LIN37: variants seen among roughly 807,000 people sequenced by gnomAD.
LIN37 encodes the protein lin-37 DREAM MuvB core complex component.
Under a neutral mutation model 38.0 loss-of-function variants are expected in LIN37, and 21 were observed. The ratio of observed to expected loss-of-function variants is 0.55; its 90% CI spans 0.39 to 0.80. The LOEUF is 0.80. LIN37 is among the 30% of genes least tolerant of loss of function. LIN37 has a pLI of 0.00. For missense variants in LIN37, 273 were observed against 338.5 expected, an observed-to-expected ratio of 0.81 and a Z score of 1.52; for synonymous variants, 126 against 122.9, an observed-to-expected ratio of 1.03 and a Z score of -0.17.
chr19:35,753,873 C>T (rs894238731), intron 6 of LIN37, 144 bp from the exon 7 acceptor site: 9 of 895,016 alleles, frequency 1.0e-5, no homozygotes, highest in Non-Finnish European at 1.5e-5. Flanking sequence ...GAGGTGTCTG[C>T]CCTTCATACA....
rs775087716 is a variant in LIN37 at position 35,752,251 on chromosome 19, G to C, written c.110G>C (p.Arg37Thr). The change falls in exon 2 of 9, where the codon AGG becomes ACG. Residue 37 changes from arginine (R) to threonine (T), a missense_variant and splice_region_variant. Coordinates refer to ENST00000301159, the MANE Select transcript of LIN37 (RefSeq NM_019104.3). The stretch of plus-strand genomic sequence containing the variant: ...CTGCTGGAGAAGAGTCACATGGACA[G>C]GTAGGCCAGCGTGGGGTCACAGGGC... ...QCLLEKSHMDRERLDEEAGKT... is the reference protein window; with the variant it reads ...QCLLEKSHMDTERLDEEAGKT... The C allele has an allele frequency of 1.2e-6, 2 of 1,605,084 alleles. No homozygotes were observed. The highest frequency in any genetic ancestry group is 4.5e-5 in the East Asian group (2 of 44,494).
In LIN37 at chr19:35,748,775, CGGG is replaced by C; in HGVS notation, c.34+20_34+22del. 2 of 1,613,712 alleles carry C rather than the reference CGGG, an allele frequency of 1.2e-6. No individual in the cohort carries two copies. The highest frequency in any genetic ancestry group is 1.7e-6 in the Non-Finnish European group (2 of 1,179,762). On this transcript the variant is annotated intron_variant, in intron 1 of 8. Coordinates refer to ENST00000301159, the MANE Select transcript of LIN37 (RefSeq NM_019104.3). ...AGAAATCAGGTGAGGACCCTGACGT[CGGG>C]GGCCTGTCGGGACCATCGGGTTGAC...
In LIN37 at chr19:35,752,825, T is replaced by C; in HGVS notation, c.183T>C (p.Thr61=). ...ACAGGGACTGCTCCATCGCAGCCAC[T>C]GGCAAAAGGTAAGGTGGCAGGGTCC... ...THNKDCSIAA[T]GKRPSARFPH... The change falls in exon 4 of 9, where the codon ACT becomes ACC. Residue 61 remains threonine, a synonymous_variant. Coordinates refer to ENST00000301159, the MANE Select transcript of LIN37 (RefSeq NM_019104.3). 6.2e-7 allele frequency: 1 copy of C among 1,608,654 alleles called. No individual in the cohort carries two copies.
At chr19:35,749,105 C>T (rs1970645090) in intron 1 of LIN37, 2 of 629,430 alleles carry the variant, frequency 3.2e-6, no homozygotes, top group African/African-American at 2.0e-5. Flanking sequence ...ATTGCCCAGG[C>T]TGGTCTCGAA....
intron 1 of LIN37, 126 bp from the exon 2 acceptor site, chr19:35,752,049 AG>A: frequency 1.5e-6 from 1 of 682,554 alleles, no homozygotes; most frequent in Non-Finnish European, 2.6e-6. Flanking sequence ...GCACCCTTTC[AG>A]GCTGCCTGGG....
intron 7 of LIN37, 42 bp from the exon 8 acceptor site, chr19:35,754,204 G>T: frequency 1.9e-6 from 3 of 1,613,980 alleles, no homozygotes; most frequent in Admixed American, 3.3e-5. Context: ...ATGCGGTAGG[G>T]CTCAGGAATG....
At position 35,752,035 on chromosome 19, in the gene LIN37, T is replaced by C; in HGVS notation, c.35-141T>C. The C allele has an allele frequency of 6.3e-6, 4 of 633,930 alleles. No homozygotes were observed. In the South Asian group the frequency reaches 7.2e-5, roughly 11 times the overall value. The allele number at this position is 633,930 out of a possible 1,614,324, so 39.3% of individuals were successfully genotyped here. On this transcript the variant is annotated intron_variant, in intron 1 of 8. Transcript: ENST00000301159. ...GGGCATCACTCCAGCCATCTCTGCC[T>C]GTTGCACCCTTTCAGGCTGCCTGGG...
At chr19:35,750,889 AG>A (rs1970673485) in intron 1 of LIN37, among the ~76,000 whole-genome samples, 1 of 151,900 alleles carries the variant, frequency 6.6e-6, no homozygotes, top group African/African-American at 2.4e-5. Context: ...TGTACTCAGG[AG>A]GCAGAGGTTG....
chr19:35,748,852 C>A, intron 1 of LIN37, 94 bp downstream of exon 1: 1 of 1,604,214 alleles, frequency 6.2e-7, no homozygotes, highest in South Asian at 1.1e-5. Flanking sequence ...GGGGACTGCA[C>A]GACTTTTCCC....
At chr19:35,752,636 C>A in intron 3 of LIN37, 152 bp downstream of exon 3, 2 of 1,236,992 alleles carry the variant, frequency 1.6e-6, no homozygotes, top group South Asian at 1.3e-5. Context: ...AAGCTTAGGT[C>A]CCCCCGTGGT....
At chr19:35,748,916 C>T in intron 1 of LIN37, 158 bp downstream of exon 1, 2 of 1,546,846 alleles carry the variant, frequency 1.3e-6, no homozygotes, top group Non-Finnish European at 1.7e-6. Flanking sequence ...CTGCCACCTT[C>T]ACACCCTCCC....
In LIN37 at chr19:35,754,486, C is replaced by A; in HGVS notation, c.*12C>A. The A allele has an allele frequency of 1.2e-6, 2 of 1,611,390 alleles. No homozygotes were observed. The highest frequency in any genetic ancestry group is 2.2e-5 in the South Asian group (2 of 91,014). On this transcript the variant is annotated 3_prime_UTR_variant, in exon 9 of 9. Coordinates refer to ENST00000301159, the MANE Select transcript of LIN37 (RefSeq NM_019104.3). ...ACGAACGACAGTGATGTTCCCAGGT[C>A]CCCCCACACCAGTAAACATCCCCCA... is the stretch of plus-strand genomic sequence containing the variant.
chr19:35,753,020 G>C, intron 5 of LIN37, 21 bp downstream of exon 5: 1 of 1,570,808 alleles, frequency 6.4e-7, no homozygotes, highest in Non-Finnish European at 8.6e-7. Context: ...AGTGGCCCTA[G>C]AGGGTCGGTA....
chr19:35,752,513 G>C (rs760118593), intron 3 of LIN37, 29 bp downstream of exon 3: 4 of 1,612,090 alleles, frequency 2.5e-6, no homozygotes, highest in Admixed American at 1.7e-5. Flanking sequence ...ATTTGGAGTT[G>C]AGAGTTCGTG....
intron 6 of LIN37, 51 bp from the exon 7 acceptor site, chr19:35,753,966 C>A: frequency 1.3e-6 from 2 of 1,585,266 alleles, no homozygotes; most frequent in South Asian, 1.1e-5. Flanking sequence ...GGATTCCCAG[C>A]CCCTCTGCTT....
intron 6 of LIN37, 141 bp downstream of exon 6, chr19:35,753,394 G>T: frequency 1.0e-6 from 1 of 1,000,290 alleles, no homozygotes; most frequent in African/African-American, 1.6e-5. Context: ...TAGGCACACA[G>T]ATGTGCACTC....
chr19:35,750,996 A>C (rs750882124), intron 1 of LIN37, among the ~76,000 whole-genome samples: 28 of 150,268 alleles, frequency 1.9e-4, no homozygotes, highest in Non-Finnish European at 3.5e-4. Context: ...CCAATTTTTA[A>C]ATGTCAGCTC....
At chr19:35,748,914 T>G in intron 1 of LIN37, 156 bp downstream of exon 1, 1 of 1,550,704 alleles carries the variant, frequency 6.4e-7, no homozygotes, top group Non-Finnish European at 8.7e-7. Context: ...GCCTGCCACC[T>G]TCACACCCTC....
chr19:35,753,420 G>T (rs1344832745), intron 6 of LIN37, 167 bp downstream of exon 6: 2 of 833,372 alleles, frequency 2.4e-6, no homozygotes, highest in Non-Finnish European at 3.9e-6. Context: ...TTGGGGTGTG[G>T]ATCAGAGTCC....
Sources: allele counts gnomAD v4.1 joint callset (sites outside exome capture counted in the v4.1 genomes callset), GRCh38; gene constraint gnomAD v4.1.1; transcripts MANE v1.5; gene names NCBI Gene and HGNC (gene_info 2026-07-23, HGNC 2026-07-21).